BMP2K: variants seen among roughly 807,000 people sequenced by gnomAD.
The protein encoded by BMP2K is BMP-2-inducible protein kinase.
BMP2K carries 74 observed loss-of-function variants against 116.0 expected under a neutral mutation model. The ratio of observed to expected loss-of-function variants is 0.64; its 90% CI spans 0.53 to 0.77. The LOEUF (loss-of-function observed/expected upper bound fraction) is 0.77, where lower values mean the gene tolerates loss of function less well. Ranked by LOEUF, BMP2K falls within the 30% of genes least tolerant of loss-of-function variation. BMP2K has a pLI of 0.00. For missense variants in BMP2K, 1,365 were observed against 1,403.6 expected, an observed-to-expected ratio of 0.97 and a Z score of 0.44; for synonymous variants, 486 against 502.5, an observed-to-expected ratio of 0.97 and a Z score of 0.44.
chr4:78,776,375 C>A lies in BMP2K; in HGVS notation c.-169C>A, dbSNP rs1385820226. 8.6e-6 allele frequency: 5 copies of A among 583,044 alleles called. No homozygotes were observed. The highest frequency in any genetic ancestry group is 2.0e-5 in the African/African-American group (1 of 49,422). 36.1% of individuals were successfully genotyped at this position (583,044 alleles called of 1,614,324 possible). On this transcript the variant is annotated 5_prime_UTR_variant, in exon 1 of 16. Coordinates refer to ENST00000502613, the MANE Select transcript of BMP2K (RefSeq NM_198892.2). The stretch of plus-strand genomic sequence containing the variant: ...AGCTGCAGCGGAGCCGCGGAGCGGG[C>A]GGCGGGGCCCAGGCTGTGCGCTTGG...
At chr4:78,813,864 A>G (rs1729205800) in intron 1 of BMP2K, among the ~76,000 whole-genome samples, 1 of 152,154 alleles carries the variant, frequency 6.6e-6, no homozygotes, top group South Asian at 2.1e-4. Context: ...ATTTTGTTTC[A>G]GTCATTCTAG....
intron 2 of BMP2K, among the ~76,000 whole-genome samples, chr4:78,833,239 G>T (rs1451489725): frequency 1.3e-5 from 2 of 151,910 alleles, no homozygotes; most frequent in Non-Finnish European, 2.9e-5. Flanking sequence ...TTGGAGCTTA[G>T]TTATTTTATT....
chr4:78,787,017 G>T (rs1487625581), intron 1 of BMP2K, among the ~76,000 whole-genome samples: 1 of 152,138 alleles, frequency 6.6e-6, no homozygotes, highest in African/African-American at 2.4e-5. Context: ...GCCTCCCAAA[G>T]TGCTGGGATT....
chr4:78,813,277 C>G (rs1729174266), intron 1 of BMP2K, among the ~76,000 whole-genome samples: 1 of 152,188 alleles, frequency 6.6e-6, no homozygotes, highest in African/African-American at 2.4e-5. Context: ...ATTCCCACTG[C>G]CCTGATCAAA....
In BMP2K at chr4:78,912,007, G is replaced by C; in HGVS notation, c.3460G>C (p.Ala1154Pro). 6.2e-7 allele frequency: 1 copy of C among 1,612,546 alleles called. No individual in the cohort carries two copies. ...SQPVELDPFG[A>P]APFPSKQ ...ACCAGTCGAATTAGACCCATTTGGT[G>C]CTGCTCCATTTCCTTCTAAACAGTA... The change falls in exon 16 of 16, where the codon GCT (alanine) becomes CCT (proline). Residue 1154 changes from alanine to proline, a missense_variant. Physicochemically the swap from Ala to Pro is conservative, Grantham distance 27. Around this residue, in one of 3 missense-constraint regions of BMP2K, gnomAD observed 596 missense variants for 623.2 expected, o/e 0.96. Coordinates refer to ENST00000502613, the MANE Select transcript of BMP2K (RefSeq NM_198892.2).
chr4:78,893,906 G>C (rs1470588847), intron 15 of BMP2K, among the ~76,000 whole-genome samples: 3 of 152,172 alleles, frequency 2.0e-5, no homozygotes, highest in Admixed American at 2.0e-4. Flanking sequence ...TCCATGGGCT[G>C]CAGATGGGAT....
At chr4:78,781,625 G>A (rs572631844) in intron 1 of BMP2K, among the ~76,000 whole-genome samples, 8 of 152,282 alleles carry the variant, frequency 5.3e-5, no homozygotes, top group Admixed American at 4.6e-4. Context: ...AGCCCTGGGA[G>A]AGGATGGATG....
Position 78,846,951 on chromosome 4 carries a change from G to C in BMP2K, c.669-237G>C, listed in dbSNP as rs568021707. On this transcript the variant is annotated intron_variant, in intron 5 of 15. Coordinates refer to ENST00000502613, the MANE Select transcript of BMP2K (RefSeq NM_198892.2). ...AGATTTTTATAATAAAGACAATTAA[G>C]CTTTTAGATTATTAGAAATACTGTT... Among the ~76,000 whole-genome samples, 3 of 151,422 alleles carry C rather than the reference G, an allele frequency of 2.0e-5. No homozygotes were observed. The South Asian group carries it at 6.2e-4, about 31-fold the overall frequency.
At chr4:78,860,770 CTTTTTTTT>C (rs139384663) in intron 8 of BMP2K, among the ~76,000 whole-genome samples, 1 of 101,920 alleles carries the variant, frequency 9.8e-6, no homozygotes, top group Non-Finnish European at 1.9e-5. Context: ...GGTACCTTTC[CTTTTTTTT>C]TTTTTTTTTT....
intron 1 of BMP2K, among the ~76,000 whole-genome samples, chr4:78,792,155 C>T (rs1465826284): frequency 3.9e-5 from 6 of 152,166 alleles, no homozygotes; most frequent in African/African-American, 1.4e-4. Context: ...TTATCTATCT[C>T]ATGAGAAATG....
In BMP2K at chr4:78,781,740, G is replaced by A. The variant is rs563681479; in HGVS notation, c.178+5019G>A. On this transcript the variant is annotated intron_variant, in intron 1 of 15. Coordinates refer to ENST00000502613, the MANE Select transcript of BMP2K (RefSeq NM_198892.2). Reference sequence around the variant, plus strand: ...AACATTCAGAGGATTTGGTAAAACAGAAGTGCTGAGCCTGGTCCCCAACTT... The same window carrying A: ...AACATTCAGAGGATTTGGTAAAACAAAAGTGCTGAGCCTGGTCCCCAACTT... Among the ~76,000 whole-genome samples the A allele has an allele frequency of 8.5e-5, 13 of 152,304 alleles. No homozygotes were observed. The East Asian group carries it at 2.3e-3, about 27-fold the overall frequency.
At chr4:78,847,142 A>C in intron 5 of BMP2K, 46 bp from the exon 6 acceptor site, 1 of 628,936 alleles carries the variant, frequency 1.6e-6, no homozygotes, top group Non-Finnish European at 2.2e-6. Flanking sequence ...TCTTTTTTTT[A>C]TATATATATA....
intron 1 of BMP2K, among the ~76,000 whole-genome samples, chr4:78,795,948 G>A (rs1461786742): frequency 6.6e-6 from 1 of 151,534 alleles, no homozygotes; most frequent in East Asian, 1.9e-4. Context: ...TGGTGGGACT[G>A]TAAACTAGTT....
chr4:78,833,013 A>T (rs1252665072), intron 2 of BMP2K, among the ~76,000 whole-genome samples: 2 of 152,040 alleles, frequency 1.3e-5, no homozygotes, highest in African/African-American at 4.8e-5. Flanking sequence ...TATTTTGTAA[A>T]AGACACAAAA....
At position 78,834,422 on chromosome 4, in the gene BMP2K, C is replaced by T. The variant is rs547311165; in HGVS notation, c.403+735C>T. Among the ~76,000 whole-genome samples, 236 of 152,044 alleles carry T rather than the reference C, an allele frequency of 1.6e-3. No homozygotes were observed. In the Middle Eastern group the frequency reaches 0.017, roughly 11 times the overall value. On this transcript the variant is annotated intron_variant, in intron 3 of 15. Coordinates refer to ENST00000502613, the MANE Select transcript of BMP2K (RefSeq NM_198892.2). Reference sequence around the variant, plus strand: ...GACTACAGGTGCCCGCCACGACGCTCGGCTAATTTTTTGTATTTTTAGTAG... The same window carrying T: ...GACTACAGGTGCCCGCCACGACGCTTGGCTAATTTTTTGTATTTTTAGTAG...
At chr4:78,903,985 C>A (rs1356640232) in intron 15 of BMP2K, among the ~76,000 whole-genome samples, 7 of 151,870 alleles carry the variant, frequency 4.6e-5, no homozygotes, top group Non-Finnish European at 7.4e-5. Flanking sequence ...AGGCAGGTCT[C>A]AGATTTCTTA....
intron 7 of BMP2K, among the ~76,000 whole-genome samples, chr4:78,854,881 G>A (rs79443017): frequency 0.048 from 7,339 of 151,494 alleles, 563 homozygotes; most frequent in African/African-American, 0.17. Flanking sequence ...GGCCAATCTT[G>A]TTTCCTCTAT....
intron 7 of BMP2K, among the ~76,000 whole-genome samples, chr4:78,853,657 T>C (rs1731366042): frequency 6.6e-6 from 1 of 152,198 alleles, no homozygotes; most frequent in African/African-American, 2.4e-5. Flanking sequence ...GCAAGACTTC[T>C]AGAGCCAAAC....
chr4:78,900,915 T>G (rs1199502371), intron 15 of BMP2K, among the ~76,000 whole-genome samples: 2 of 152,158 alleles, frequency 1.3e-5, no homozygotes, highest in Non-Finnish European at 2.9e-5. Flanking sequence ...TTGCCTTTTA[T>G]GGCAGGTTAT....
Sources: allele counts gnomAD v4.1 joint callset (sites outside exome capture counted in the v4.1 genomes callset), GRCh38; gene constraint gnomAD v4.1.1; regional missense constraint gnomAD v4.1.1; transcripts MANE v1.5; gene names NCBI Gene and HGNC (gene_info 2026-07-23, HGNC 2026-07-21).